Variants in KIAA0825 observed in about 807,000 individuals in gnomAD.
KIAA0825 encodes uncharacterized protein KIAA0825.
A neutral mutation model predicts 147.6 loss-of-function variants in KIAA0825; 119 were observed. The ratio of observed to expected loss-of-function variants is 0.81; its 90% confidence interval spans 0.69 to 0.94. The LOEUF is 0.94. KIAA0825 is among the 40% of genes least tolerant of loss of function. The pLI, the probability that KIAA0825 is intolerant of heterozygous loss-of-function variation, is 0.00. For synonymous variants in KIAA0825, 470 were observed against 518.1 expected (o/e 0.91, Z 1.26); for missense variants, 1,381 against 1,472.7 (o/e 0.94, Z 1.02).
chr5:94,391,429 G>A, intron 18 of KIAA0825, 106 bp downstream of exon 18: 1 of 1,067,848 alleles, frequency 9.4e-7, no homozygotes, highest in Non-Finnish European at 1.4e-6. Context: ...GTTTGGTATT[G>A]ACTTTAAGAA....
At chr5:94,182,240 A>C in intron 20 of KIAA0825, among the ~76,000 whole-genome samples, 1 of 38,304 alleles carries the variant, frequency 2.6e-5, no homozygotes. Flanking sequence ...CATAACTTAA[A>C]ATGTCCCTTC....
At chr5:94,181,664 G>A (rs1015211923) in intron 20 of KIAA0825, among the ~76,000 whole-genome samples, 2 of 152,100 alleles carry the variant, frequency 1.3e-5, no homozygotes, top group African/African-American at 2.4e-5. Flanking sequence ...ACATCCAGCC[G>A]GGAGGATAGC....
chr5:94,200,012 C>G (rs1771516381), intron 20 of KIAA0825, among the ~76,000 whole-genome samples: 1 of 152,174 alleles, frequency 6.6e-6, no homozygotes, highest in African/African-American at 2.4e-5. Context: ...CAGCACTATT[C>G]TCTCCAGGTC....
intron 2 of KIAA0825, among the ~76,000 whole-genome samples, chr5:94,541,319 A>G (rs1773262885): frequency 6.6e-6 from 1 of 152,258 alleles, no homozygotes; most frequent in Non-Finnish European, 1.5e-5. Context: ...CAAAAGTAAA[A>G]GTCGCTAAGA....
At chr5:94,179,254 C>T (rs1278184110) in intron 20 of KIAA0825, among the ~76,000 whole-genome samples, 1 of 152,056 alleles carries the variant, frequency 6.6e-6, no homozygotes, top group Non-Finnish European at 1.5e-5. Flanking sequence ...TGTACACACA[C>T]AGAGTGAACT....
intron 1 of KIAA0825, among the ~76,000 whole-genome samples, chr5:94,605,382 T>C (rs888561911): frequency 2.0e-5 from 3 of 152,062 alleles, no homozygotes; most frequent in Admixed American, 2.0e-4. Flanking sequence ...TTCAAAAAAT[T>C]GAAAAGGAGG....
At chr5:94,565,095 C>CTT (rs1176429699) in intron 2 of KIAA0825, among the ~76,000 whole-genome samples, 1,334 of 52,910 alleles carry the variant, frequency 0.025, 138 homozygotes, top group South Asian at 0.041. Flanking sequence ...TCTTGCTTTC[C>CTT]TTTTTTTTTT....
At chr5:94,384,823 T>C (rs73773655) in intron 19 of KIAA0825, among the ~76,000 whole-genome samples, 4,170 of 152,304 alleles carry the variant, frequency 0.027, 206 homozygotes, top group African/African-American at 0.095. Context: ...ATTTATAGTT[T>C]GATTTTCTTT....
Position 94,388,338 on chromosome 5 carries a change from C to T in KIAA0825, c.3457-1934G>A, listed in dbSNP as rs117784239. Reference sequence around the variant, plus strand: ...CACCAACTGGTAGAGGTCTGTGGCCCGGGGGTTGGGGACCCCTGTTGTAGA... The same window carrying T: ...CACCAACTGGTAGAGGTCTGTGGCCTGGGGGTTGGGGACCCCTGTTGTAGA... On this transcript the variant is annotated intron_variant, in intron 18 of 20. Coordinates refer to ENST00000682413, the MANE Select transcript of KIAA0825 (RefSeq NM_001145678.3). Among the ~76,000 whole-genome samples, 224 of 152,066 alleles carry T rather than the reference C, an allele frequency of 1.5e-3. 5 individuals carry two copies. The East Asian group carries it at 0.028, about 19-fold the overall frequency.
At chr5:94,592,798 T>C (rs570597424) in intron 1 of KIAA0825, 2 of 429,968 alleles carry the variant, frequency 4.7e-6, no homozygotes, top group Non-Finnish European at 4.4e-6. Context: ...CCTAGACTCA[T>C]TGGTTACAAA....
intron 2 of KIAA0825, among the ~76,000 whole-genome samples, chr5:94,565,934 C>G (rs1778632950): frequency 6.6e-6 from 1 of 152,094 alleles, no homozygotes; most frequent in Admixed American, 6.6e-5. Flanking sequence ...CTCCATTCTC[C>G]CCATTCCCCA....
intron 2 of KIAA0825, chr5:94,567,822 C>T (rs1374589688): frequency 1.9e-5 from 3 of 154,646 alleles, no homozygotes; most frequent in Non-Finnish European, 4.3e-5. Flanking sequence ...GGTCTTCATC[C>T]CTGACTCCCC....
At chr5:94,432,755 T>C (rs1310868315) in intron 14 of KIAA0825, among the ~76,000 whole-genome samples, 2 of 152,078 alleles carry the variant, frequency 1.3e-5, no homozygotes, top group African/African-American at 4.8e-5. Context: ...ACAAAACACA[T>C]GGCTGGGTAT....
At chr5:94,427,066 T>A (rs950516718) in intron 14 of KIAA0825, among the ~76,000 whole-genome samples, 4 of 152,134 alleles carry the variant, frequency 2.6e-5, no homozygotes, top group South Asian at 2.1e-4. Context: ...ATAAAAAAAA[T>A]TTGCCAGCCC....
At chr5:94,445,955 G>A (rs984530157) in intron 13 of KIAA0825, among the ~76,000 whole-genome samples, 2 of 152,072 alleles carry the variant, frequency 1.3e-5, no homozygotes, top group African/African-American at 2.4e-5. Context: ...GCACAAGATC[G>A]CTAAGCTCTT....
chr5:94,194,644 T>C (rs2150008247), intron 20 of KIAA0825, among the ~76,000 whole-genome samples: 1 of 152,328 alleles, frequency 6.6e-6, no homozygotes, highest in Admixed American at 6.5e-5. Flanking sequence ...GCCTTACCTC[T>C]TCCTGCTTTG....
intron 14 of KIAA0825, among the ~76,000 whole-genome samples, chr5:94,435,258 C>A (rs1466717167): frequency 6.6e-6 from 1 of 151,630 alleles, no homozygotes; most frequent in East Asian, 1.9e-4. Flanking sequence ...TATCCATTAG[C>A]TATTTTTCCT....
intron 20 of KIAA0825, among the ~76,000 whole-genome samples, chr5:94,305,256 A>T (rs1357622942): frequency 6.6e-6 from 1 of 151,986 alleles, no homozygotes; most frequent in Non-Finnish European, 1.5e-5. Flanking sequence ...ATTCCTATAC[A>T]CAGGCCAAAA....
At chr5:94,162,535 C>G (rs936900397) in intron 20 of KIAA0825, among the ~76,000 whole-genome samples, 4 of 152,112 alleles carry the variant, frequency 2.6e-5, no homozygotes, top group Non-Finnish European at 5.9e-5. Flanking sequence ...TCAAGCAATC[C>G]TCCTGCCTTG....
Sources: allele counts gnomAD v4.1 joint callset (sites outside exome capture counted in the v4.1 genomes callset), GRCh38; gene constraint gnomAD v4.1.1; transcripts MANE v1.5; gene names NCBI Gene and HGNC (gene_info 2026-07-23, HGNC 2026-07-21).